TTC28: variants seen among roughly 807,000 people sequenced by gnomAD.
The protein encoded by TTC28 is tetratricopeptide repeat protein 28.
Under a neutral mutation model 198.0 loss-of-function variants are expected in TTC28, and 61 were observed. The observed-to-expected ratio is 0.31, with a 90% CI of 0.25 to 0.38. TTC28 has a LOEUF of 0.38. Ranked by LOEUF, TTC28 falls within the 10% of genes least tolerant of loss-of-function variation. The pLI, the probability that TTC28 is intolerant of heterozygous loss-of-function variation, is 1.00. For missense variants in TTC28, 2,678 were observed against 3,164.0 expected, an observed-to-expected ratio of 0.85 and a Z score of 3.69; for synonymous variants, 1,171 against 1,297.8, an observed-to-expected ratio of 0.90 and a Z score of 2.10.
intron 2 of TTC28, among the ~76,000 whole-genome samples, chr22:28,479,442 T>C (rs1474366453): frequency 6.6e-6 from 1 of 152,184 alleles, no homozygotes; most frequent in Non-Finnish European, 1.5e-5. Flanking sequence ...ATAGTAAGTA[T>C]GTCTTTTCCT....
At chr22:28,587,726 T>C (rs771086924) in intron 2 of TTC28, among the ~76,000 whole-genome samples, 6 of 152,018 alleles carry the variant, frequency 3.9e-5, no homozygotes, top group Non-Finnish European at 8.8e-5. Context: ...AGATTACAGG[T>C]GTCAGCCACC....
At chr22:28,415,729 A>G (rs1265539331) in intron 2 of TTC28, among the ~76,000 whole-genome samples, 1 of 152,164 alleles carries the variant, frequency 6.6e-6, no homozygotes, top group African/African-American at 2.4e-5. Flanking sequence ...GCAAACCTAA[A>G]TTTGCTAACT....
intron 6 of TTC28, among the ~76,000 whole-genome samples, chr22:28,147,857 C>T (rs1032867889): frequency 3.9e-5 from 6 of 152,126 alleles, no homozygotes; most frequent in Non-Finnish European, 8.8e-5. Flanking sequence ...ATCACAAAGG[C>T]CTTTTCATAT....
intron 6 of TTC28, among the ~76,000 whole-genome samples, chr22:28,111,722 G>A (rs1039725835): frequency 6.6e-6 from 1 of 150,594 alleles, no homozygotes; most frequent in Non-Finnish European, 1.5e-5. Context: ...CCTTTGCAGT[G>A]ATTTTTTTTT....
intron 2 of TTC28, among the ~76,000 whole-genome samples, chr22:28,396,409 G>A (rs1371754030): frequency 6.6e-6 from 1 of 152,214 alleles, no homozygotes; most frequent in Non-Finnish European, 1.5e-5. Context: ...ACTTGTAAAG[G>A]TTGTAATTCT....
intron 1 of TTC28, among the ~76,000 whole-genome samples, chr22:28,652,066 C>T (rs1315947460): frequency 2.6e-5 from 4 of 152,068 alleles, no homozygotes; most frequent in Non-Finnish European, 4.4e-5. Context: ...TCTCGAACTC[C>T]TGACCTCAGG....
intron 13 of TTC28, among the ~76,000 whole-genome samples, chr22:28,020,966 C>T: frequency 6.6e-6 from 1 of 152,304 alleles, no homozygotes; most frequent in African/African-American, 2.4e-5. Flanking sequence ...GCTCTCACCT[C>T]AACCCACTCT....
intron 5 of TTC28, among the ~76,000 whole-genome samples, chr22:28,283,213 ACTCC>A (rs1221350652): frequency 4.0e-5 from 6 of 151,800 alleles, no homozygotes; most frequent in African/African-American, 1.5e-4. Context: ...TGAACTTAAT[ACTCC>A]CTAAGAGGAT....
chr22:28,566,684 A>G (rs2049974773), intron 2 of TTC28, among the ~76,000 whole-genome samples: 1 of 152,208 alleles, frequency 6.6e-6, no homozygotes, highest in Admixed American at 6.5e-5. Context: ...CAATAAAACA[A>G]AGAGAGTAAT....
intron 5 of TTC28, among the ~76,000 whole-genome samples, chr22:28,239,601 A>G (rs1237731699): frequency 6.6e-6 from 1 of 152,198 alleles, no homozygotes; most frequent in Non-Finnish European, 1.5e-5. Flanking sequence ...AAGGCTTAAC[A>G]TAGTCTAGCA....
intron 18 of TTC28, 146 bp from the exon 19 acceptor site, chr22:27,992,809 G>T: frequency 1.3e-6 from 1 of 773,546 alleles, no homozygotes. Flanking sequence ...GTGTCTGTGT[G>T]TGCCTTGGAA....
chr22:28,661,203 G>A (rs1184446971), intron 1 of TTC28, among the ~76,000 whole-genome samples: 1 of 151,960 alleles, frequency 6.6e-6, no homozygotes, highest in East Asian at 2.0e-4. Flanking sequence ...AGAATCCCTT[G>A]AACCCAGGAG....
At chr22:28,386,977 A>G (rs922842733) in intron 2 of TTC28, among the ~76,000 whole-genome samples, 1 of 152,068 alleles carries the variant, frequency 6.6e-6, no homozygotes, top group Non-Finnish European at 1.5e-5. Context: ...ATATCACCCA[A>G]TGCTATCCCT....
chr22:28,101,763 TAGTGAG>T (rs1199331199), intron 8 of TTC28, among the ~76,000 whole-genome samples: 2 of 118,642 alleles, frequency 1.7e-5, no homozygotes, highest in Non-Finnish European at 3.2e-5. Context: ...CTGGGCAACT[TAGTGAG>T]ACCCATCTCT....
At chr22:28,516,155 A>G (rs369083461) in intron 2 of TTC28, among the ~76,000 whole-genome samples, 3 of 152,114 alleles carry the variant, frequency 2.0e-5, no homozygotes, top group Admixed American at 1.3e-4. Context: ...CAAAAAAAAA[A>G]AAAAGCTGAG....
intron 5 of TTC28, among the ~76,000 whole-genome samples, chr22:28,281,845 C>G (rs1286652213): frequency 6.6e-6 from 1 of 152,190 alleles, no homozygotes; most frequent in Non-Finnish European, 1.5e-5. Context: ...AATCTGTCCT[C>G]ATATGCCTGG....
intron 1 of TTC28, among the ~76,000 whole-genome samples, chr22:28,656,581 A>C (rs1182280488): frequency 6.6e-6 from 1 of 152,226 alleles, no homozygotes; most frequent in Non-Finnish European, 1.5e-5. Flanking sequence ...CAATAATTTA[A>C]CTGGCAAAAT....
At chr22:28,377,769 A>G (rs1045969572) in intron 2 of TTC28, among the ~76,000 whole-genome samples, 1 of 152,240 alleles carries the variant, frequency 6.6e-6, no homozygotes, top group African/African-American at 2.4e-5. Context: ...TTTCATATAT[A>G]TAAGAATATC....
At chr22:28,377,795 T>C (rs2046434268) in intron 2 of TTC28, among the ~76,000 whole-genome samples, 1 of 151,890 alleles carries the variant, frequency 6.6e-6, no homozygotes. Flanking sequence ...TTCAACAAGG[T>C]AAAATTCACA....
Sources: gnomAD v4.1 joint callset for allele counts (sites outside exome capture counted in the v4.1 genomes callset) on GRCh38, gnomAD v4.1.1 for gene constraint, MANE v1.5 for transcripts, NCBI Gene and HGNC (gene_info 2026-07-23, HGNC 2026-07-21) for gene names.